JARID2: variants seen among roughly 807,000 people sequenced by gnomAD.
JARID2 encodes protein Jumonji.
Under a neutral mutation model 125.6 loss-of-function variants are expected in JARID2, and 21 were observed. The ratio of observed to expected loss-of-function variants is 0.17; its 90% CI spans 0.12 to 0.24. The LOEUF (loss-of-function observed/expected upper bound fraction) is 0.24, where lower values mean the gene tolerates loss of function less well. JARID2 is among the 10% of genes least tolerant of loss of function. The pLI is 1.00. For missense variants in JARID2, 1,303 were observed against 1,639.6 expected, an observed-to-expected ratio of 0.79 and a Z score of 3.55; for synonymous variants, 736 against 661.6, an observed-to-expected ratio of 1.11 and a Z score of -1.73.
intron 1 of JARID2, among the ~76,000 whole-genome samples, chr6:15,350,309 C>T (rs964341541): frequency 6.6e-6 from 1 of 152,130 alleles, no homozygotes; most frequent in African/African-American, 2.4e-5. Flanking sequence ...GACCAAGCAC[C>T]TGAAATGAAG....
chr6:15,298,362 C>T (rs1024215370), intron 1 of JARID2, among the ~76,000 whole-genome samples: 19 of 151,930 alleles, frequency 1.3e-4, no homozygotes, highest in African/African-American at 3.6e-4. Flanking sequence ...TTCCCAAGAG[C>T]ACTCATTGCT....
chr6:15,291,842 T>C (rs1383827324), intron 1 of JARID2, among the ~76,000 whole-genome samples: 2 of 152,224 alleles, frequency 1.3e-5, no homozygotes, highest in East Asian at 3.8e-4. Flanking sequence ...AATATTTTTG[T>C]ACTCCTACTG....
At chr6:15,366,625 T>C (rs1458252991) in intron 1 of JARID2, among the ~76,000 whole-genome samples, 3 of 151,992 alleles carry the variant, frequency 2.0e-5, no homozygotes, top group Admixed American at 6.6e-5. Context: ...CCTGTGATCC[T>C]GAGTGCTCCT....
At chr6:15,466,690 G>T in intron 4 of JARID2, among the ~76,000 whole-genome samples, 1 of 152,222 alleles carries the variant, frequency 6.6e-6, no homozygotes, top group Non-Finnish European at 1.5e-5. Flanking sequence ...TGGTGATACT[G>T]TACTGAAAAC....
At chr6:15,442,183 A>G (rs1767477087) in intron 3 of JARID2, among the ~76,000 whole-genome samples, 1 of 151,642 alleles carries the variant, frequency 6.6e-6, no homozygotes, top group East Asian at 1.9e-4. Flanking sequence ...AAACATGCCC[A>G]TTGCCAGGAG....
chr6:15,438,363 T>C (rs749101813), intron 3 of JARID2, among the ~76,000 whole-genome samples: 1 of 152,204 alleles, frequency 6.6e-6, no homozygotes, highest in Non-Finnish European at 1.5e-5. Context: ...CCCACATCTT[T>C]ATGAACATGA....
intron 3 of JARID2, among the ~76,000 whole-genome samples, chr6:15,417,063 G>A (rs1766262015): frequency 6.6e-6 from 1 of 152,172 alleles, no homozygotes. Flanking sequence ...AAGTAAATAC[G>A]AGATCTGAAG....
intron 1 of JARID2, among the ~76,000 whole-genome samples, chr6:15,276,865 C>T (rs1321055419): frequency 6.6e-6 from 1 of 152,084 alleles, no homozygotes; most frequent in African/African-American, 2.4e-5. Flanking sequence ...TAGGAATAGG[C>T]CGGTACAATT....
chr6:15,480,376 A>C (rs1769552130), intron 5 of JARID2, among the ~76,000 whole-genome samples: 1 of 152,170 alleles, frequency 6.6e-6, no homozygotes, highest in African/African-American at 2.4e-5. Flanking sequence ...TACACTGCAT[A>C]ATTCCAGGAT....
intron 1 of JARID2, among the ~76,000 whole-genome samples, chr6:15,305,287 G>A (rs751206003): frequency 6.6e-6 from 1 of 152,068 alleles, no homozygotes. Context: ...GTAGCGTAAT[G>A]CAGGATTTCT....
intron 1 of JARID2, among the ~76,000 whole-genome samples, chr6:15,251,168 T>C (rs1393297047): frequency 2.0e-5 from 3 of 152,156 alleles, no homozygotes; most frequent in African/African-American, 7.2e-5. Flanking sequence ...CCCCCTATCA[T>C]GTCCGGCTAA....
intron 3 of JARID2, among the ~76,000 whole-genome samples, chr6:15,450,406 A>G (rs1258620628): frequency 2.0e-5 from 3 of 152,090 alleles, no homozygotes; most frequent in African/African-American, 7.2e-5. Context: ...CTGACCTCAG[A>G]TGATCCACCC....
intron 1 of JARID2, among the ~76,000 whole-genome samples, chr6:15,259,655 T>C (rs1759796316): frequency 6.6e-6 from 1 of 152,214 alleles, no homozygotes; most frequent in African/African-American, 2.4e-5. Flanking sequence ...GGACAGGGGT[T>C]AGATGGGTAT....
chr6:15,255,924 A>T (rs1561749576), intron 1 of JARID2, among the ~76,000 whole-genome samples: 1 of 152,162 alleles, frequency 6.6e-6, no homozygotes, highest in South Asian at 2.1e-4. Flanking sequence ...GCAGTAATGG[A>T]CAAGGTTGGG....
intron 1 of JARID2, among the ~76,000 whole-genome samples, chr6:15,353,221 T>C (rs1228312645): frequency 6.6e-6 from 1 of 152,224 alleles, no homozygotes; most frequent in Non-Finnish European, 1.5e-5. Flanking sequence ...CCTGTCTTTT[T>C]AGAAAAATAG....
chr6:15,512,178 G>A (rs762972789), intron 13 of JARID2, 30 bp from the exon 14 acceptor site: 148 of 1,603,506 alleles, frequency 9.2e-5, no homozygotes, highest in Admixed American at 3.4e-5. Flanking sequence ...GCACAGGGAG[G>A]GGTGCCTCAG....
intron 3 of JARID2, 39 bp from the exon 4 acceptor site, chr6:15,451,967 T>G (rs759700296): frequency 1.9e-6 from 3 of 1,603,138 alleles, no homozygotes; most frequent in Non-Finnish European, 2.6e-6. Context: ...TCCTCCAGTC[T>G]CTGCTTAATT....
chr6:15,455,758 C>T (rs1453789676), intron 4 of JARID2, among the ~76,000 whole-genome samples: 1 of 152,140 alleles, frequency 6.6e-6, no homozygotes, highest in Non-Finnish European at 1.5e-5. Flanking sequence ...GAACTCCTGA[C>T]CTCAGGTGAT....
intron 1 of JARID2, among the ~76,000 whole-genome samples, chr6:15,265,617 A>C (rs554583629): frequency 6.6e-6 from 1 of 152,276 alleles, no homozygotes; most frequent in East Asian, 1.9e-4. Context: ...GCTGGCAGCC[A>C]AGAAGCCAGG....
Sources: gnomAD v4.1 joint callset for allele counts (sites outside exome capture counted in the v4.1 genomes callset) on GRCh38, gnomAD v4.1.1 for gene constraint, MANE v1.5 for transcripts, NCBI Gene and HGNC (gene_info 2026-07-23, HGNC 2026-07-21) for gene names.